The following PROCR variants were observed in gnomAD, a reference collection of about 807,000 sequenced individuals.
PROCR encodes protein C receptor.
A neutral mutation model predicts 24.2 loss-of-function variants in PROCR; 22 were observed. That is an observed-to-expected ratio of 0.91 (90% CI 0.65 to 1.30). The LOEUF (loss-of-function observed/expected upper bound fraction) is 1.30. Among genes scored for constraint, PROCR ranks in the 50% most tolerant of loss-of-function variants. The pLI is 0.00. For missense variants in PROCR, 288 were observed against 307.7 expected (o/e 0.94, Z 0.48); for synonymous variants, 137 against 139.2 (o/e 0.98, Z 0.11).
intron 2 of PROCR, 45 bp from the exon 3 acceptor site, chr20:35,176,123 G>A (rs775580938): frequency 3.1e-6 from 5 of 1,592,036 alleles, no homozygotes; most frequent in Non-Finnish European, 8.6e-7. Context: ...CCCACACCTG[G>A]CACCCTCTCT....
rs570677492 is a variant in PROCR at position 35,200,979 on chromosome 20, C to CA, written c.95-14909dup. Among the ~76,000 whole-genome samples the CA allele has an allele frequency of 2.6e-5, 4 of 152,104 alleles. No individual in the cohort carries two copies. In the South Asian group the frequency reaches 8.3e-4, roughly 32 times the overall value. On this transcript the variant is annotated intron_variant, in intron 1 of 1. Coordinates refer to the PROCR transcript ENST00000634509. ...ATAACTTATATATGCACTGGGAAAC[C>CA]AAAAACCTTGTGTGATTCACTTTGT...
intron 1 of PROCR, among the ~76,000 whole-genome samples, chr20:35,187,342 A>G (rs1165873889): frequency 1.3e-5 from 2 of 152,184 alleles, no homozygotes; most frequent in African/African-American, 2.4e-5. Flanking sequence ...GATTACAGGC[A>G]TGAGCCACCA....
At chr20:35,205,489 C>A (rs1361057840) in intron 1 of PROCR, among the ~76,000 whole-genome samples, 2 of 149,762 alleles carry the variant, frequency 1.3e-5, no homozygotes. Context: ...CAGTGGCTCA[C>A]ACCTATAATC....
At chr20:35,215,932 T>G (rs2060380691) in exon 2 of PROCR, 26 of 977,388 alleles carry the variant, frequency 2.7e-5, no homozygotes, top group Non-Finnish European at 3.2e-5. Context: ...GCGCAGTGGC[T>G]CACTCCTGTA....
downstream of PROCR, among the ~76,000 whole-genome samples, chr20:35,181,532 C>T (rs1219822732): frequency 6.6e-6 from 1 of 152,238 alleles, no homozygotes; most frequent in Non-Finnish European, 1.5e-5. Context: ...CTTGGCCTCC[C>T]AAAGTGCTGG....
downstream of PROCR, among the ~76,000 whole-genome samples, chr20:35,179,290 C>G (rs1247518119): frequency 1.3e-5 from 2 of 150,514 alleles, no homozygotes; most frequent in African/African-American, 2.5e-5. Flanking sequence ...ACCTGTAATC[C>G]CAACACTTTG....
At chr20:35,175,970 T>C (rs1600734637) in intron 2 of PROCR, among the ~76,000 whole-genome samples, 198 bp from the exon 3 acceptor site, 1 of 152,012 alleles carries the variant, frequency 6.6e-6, no homozygotes, top group South Asian at 2.1e-4. Context: ...TGGCCCCTTC[T>C]TTCTTAGCCT....
Position 35,176,203 on chromosome 20 carries a change from C to G in PROCR, c.358C>G (p.Leu120Val). ...CATCCGCTGCTTCCTGGGCTGTGAG[C>G]TGCCTCCCGAGGGCTCTAGAGCCCA... ...LTIRCFLGCE[L>V]PPEGSRAHVF... The change falls in exon 3 of 4, where the codon CTG becomes GTG. Residue 120 changes from leucine (L) to valine (V), a missense_variant. By Grantham distance (32) the Leu-to-Val change is conservative (BLOSUM62 1). Coordinates refer to ENST00000216968, the MANE Select transcript of PROCR (RefSeq NM_006404.5). 1 of 1,612,702 alleles carries G rather than the reference C, an allele frequency of 6.2e-7. No homozygotes were observed. The highest frequency in any genetic ancestry group is 8.5e-7 in the Non-Finnish European group (1 of 1,179,402).
chr20:35,178,175 G>A (rs995621894), downstream of PROCR, among the ~76,000 whole-genome samples: 7 of 151,784 alleles, frequency 4.6e-5, no homozygotes, highest in East Asian at 7.9e-4. Context: ...AGGCCGAGGC[G>A]AGAGGATCAC....
chr20:35,179,780 C>G (rs1031967592), downstream of PROCR, among the ~76,000 whole-genome samples: 1 of 152,188 alleles, frequency 6.6e-6, no homozygotes, highest in Non-Finnish European at 1.5e-5. Context: ...GTGGAGAGAA[C>G]TCAGTGTTAA....
chr20:35,215,497 CTTT>C (rs80325545), intron 1 of PROCR, among the ~76,000 whole-genome samples: 1 of 143,542 alleles, frequency 7.0e-6, no homozygotes, highest in Non-Finnish European at 1.5e-5. Context: ...CAAGTCTTAT[CTTT>C]TTTTTTTTTT....
At chr20:35,199,602 G>C (rs966795783) in intron 1 of PROCR, among the ~76,000 whole-genome samples, 2 of 151,980 alleles carry the variant, frequency 1.3e-5, no homozygotes, top group Non-Finnish European at 2.9e-5. Context: ...TGCAGAAATT[G>C]GCCGGGCATG....
chr20:35,189,652 C>T lies in PROCR; in HGVS notation c.94+13206C>T, dbSNP rs548915902. Among the ~76,000 whole-genome samples the T allele has an allele frequency of 7.2e-5, 11 of 152,262 alleles. No homozygotes were observed. In the South Asian group the frequency reaches 1.5e-3, roughly 20 times the overall value. On this transcript the variant is annotated intron_variant, in intron 1 of 1. Coordinates refer to the PROCR transcript ENST00000634509. ...TGGTTTTACGGCTCAGGGGGCATCACGGAACCTGCCGACATGTGATGTCTC... is the reference window on the plus strand; with the variant it reads ...TGGTTTTACGGCTCAGGGGGCATCATGGAACCTGCCGACATGTGATGTCTC...
chr20:35,176,767 G>A lies in PROCR; in HGVS notation c.671G>A (p.Gly224Asp), dbSNP rs374766786. 6.8e-6 allele frequency: 11 copies of A among 1,613,922 alleles called. No individual in the cohort carries two copies. The African/African-American group carries it at 1.5e-4, about 22-fold the overall frequency. The change falls in exon 4 of 4, where the codon GGT becomes GAT. Residue 224 changes from glycine (G) to aspartate (D), a missense_variant. Gly to Asp is a moderately conservative substitution (Grantham distance 94). Coordinates refer to ENST00000216968, the MANE Select transcript of PROCR (RefSeq NM_006404.5). Reference protein sequence around the residue: ...GVLVGSFIIAGVAVGIFLCTG... With the variant: ...GVLVGSFIIADVAVGIFLCTG... ...CTGGTGGGCAGTTTCATCATTGCTG[G>A]TGTGGCTGTAGGCATCTTCCTGTGC...
At chr20:35,176,027 C>A (rs1200629383) in intron 2 of PROCR, 141 bp from the exon 3 acceptor site, 2 of 972,144 alleles carry the variant, frequency 2.1e-6, no homozygotes, top group Non-Finnish European at 3.2e-6. Flanking sequence ...AGGCCCTTCT[C>A]CCCATAGTTC....
chr20:35,185,050 A>T (rs2086112226), intron 1 of PROCR, among the ~76,000 whole-genome samples: 1 of 135,292 alleles, frequency 7.4e-6, no homozygotes, highest in Admixed American at 7.1e-5. Context: ...AAAAAAAAAA[A>T]TCAATCCCAA....
Position 35,176,333 on chromosome 20 carries a change from T to A in PROCR, c.488T>A (p.Phe163Tyr). Residue 163 changes from phenylalanine (F) to tyrosine (Y), a missense_variant, in exon 3 of 4, where the codon TTC (phenylalanine) becomes TAC (tyrosine). Phe to Tyr is a conservative substitution (Grantham distance 22). Coordinates refer to ENST00000216968, the MANE Select transcript of PROCR (RefSeq NM_006404.5). The part of the protein sequence containing the change: ...DTQVTSGVVT[F>Y]TLQQLNAYNR... ...CAGGTCACCTCCGGAGTGGTCACCTTCACCCTGCAGCAGCTCAATGCCTAC... is the reference window on the plus strand; with the variant it reads ...CAGGTCACCTCCGGAGTGGTCACCTACACCCTGCAGCAGCTCAATGCCTAC... 1 of 1,614,226 alleles carries A rather than the reference T, an allele frequency of 6.2e-7. No homozygotes were observed.
Position 35,176,858 on chromosome 20 carries a change from G to C in PROCR, c.*45G>C. The C allele has an allele frequency of 6.3e-7, 1 of 1,599,776 alleles. No homozygotes were observed. On this transcript the variant is annotated 3_prime_UTR_variant, in exon 4 of 4. Transcript: ENST00000216968. ...GAAGGGGCTGGATTGATGGAGGCTG[G>C]CAAGGGAAAGTTTCAGCTCACTGTG...
chr20:35,178,585 G>A (rs1199792559), downstream of PROCR, among the ~76,000 whole-genome samples: 1 of 85,742 alleles, frequency 1.2e-5, no homozygotes, highest in Non-Finnish European at 2.1e-5. Context: ...GCGGGATCTC[G>A]GCTCACTGCA....
Sources: allele counts gnomAD v4.1 joint callset (sites outside exome capture counted in the v4.1 genomes callset), GRCh38; gene constraint gnomAD v4.1.1; transcripts MANE v1.5; gene names NCBI Gene and HGNC (gene_info 2026-07-23, HGNC 2026-07-21).